KCNIP4: variants seen among roughly 807,000 people sequenced by gnomAD.
KCNIP4 encodes the protein Kv channel-interacting protein 4.
KCNIP4 carries 12 observed loss-of-function variants against 34.0 expected under a neutral mutation model. That is an observed-to-expected ratio of 0.35 (90% CI 0.23 to 0.57). The LOEUF (loss-of-function observed/expected upper bound fraction) is 0.57, where lower values mean the gene tolerates loss of function less well. KCNIP4 is among the 20% of genes least tolerant of loss of function. The pLI is 0.83. For synonymous variants in KCNIP4, 124 were observed against 102.2 expected, an observed-to-expected ratio of 1.21 and a Z score of -1.29; for missense variants, 238 against 311.7, an observed-to-expected ratio of 0.76 and a Z score of 1.78.
chr4:21,336,923 C>A (rs1322415605), intron 1 of KCNIP4, among the ~76,000 whole-genome samples: 3 of 151,910 alleles, frequency 2.0e-5, no homozygotes, highest in African/African-American at 7.3e-5. Context: ...ACTGGGAGAA[C>A]ACAGCACACA....
intron 1 of KCNIP4, among the ~76,000 whole-genome samples, chr4:21,171,059 C>T (rs957883426): frequency 6.6e-6 from 1 of 152,156 alleles, no homozygotes. Flanking sequence ...CAGTTGCTCT[C>T]AACAACTGAG....
At chr4:20,934,988 C>T (rs1730906162) in intron 1 of KCNIP4, among the ~76,000 whole-genome samples, 1 of 152,190 alleles carries the variant, frequency 6.6e-6, no homozygotes. Flanking sequence ...AGCAACATCA[C>T]TCCAGTCTCT....
intron 1 of KCNIP4, among the ~76,000 whole-genome samples, chr4:21,247,969 A>T (rs1760411195): frequency 8.8e-6 from 1 of 113,388 alleles, no homozygotes; most frequent in African/African-American, 4.8e-5. Flanking sequence ...ATATATACAC[A>T]CACATATATA....
intron 1 of KCNIP4, among the ~76,000 whole-genome samples, chr4:21,325,844 C>T (rs1478114762): frequency 6.6e-6 from 1 of 151,792 alleles, no homozygotes; most frequent in Non-Finnish European, 1.5e-5. Flanking sequence ...TTCTTAATTT[C>T]TTTATTGACA....
At chr4:21,207,980 C>G (rs951346127) in intron 1 of KCNIP4, among the ~76,000 whole-genome samples, 1 of 151,498 alleles carries the variant, frequency 6.6e-6, no homozygotes, top group Admixed American at 6.6e-5. Context: ...ATAGCTGGGA[C>G]TATAGGTGTA....
intron 1 of KCNIP4, among the ~76,000 whole-genome samples, chr4:21,715,817 C>T (rs1386735678): frequency 1.3e-5 from 2 of 152,162 alleles, no homozygotes; most frequent in Non-Finnish European, 2.9e-5. Flanking sequence ...TCCTGAAAAT[C>T]TCTACTGTTT....
rs764390209 is a variant in KCNIP4 at position 20,882,659 on chromosome 4, T to C, written c.112A>G (p.Met38Val). 2 of 1,613,624 alleles carry C rather than the reference T, an allele frequency of 1.2e-6. No individual in the cohort carries two copies. Among genetic ancestry groups the C allele is most frequent in the Admixed American group, 1.7e-5 (1 of 59,962 alleles). Residue 38 changes from methionine (M) to valine (V), a missense_variant, in exon 2 of 9, where the codon ATG becomes GTG. Transcript: ENST00000382152. ...GCAGCTGAGCAGGGCAAGAGCTTCA[T>C]GAGCCGCTCTTTAATGCTGCGCTTG... ...STKRSIKERL[M>V]KLLPCSAAKT...
At chr4:21,771,934 C>T (rs111571521) in intron 1 of KCNIP4, among the ~76,000 whole-genome samples, 35 of 152,200 alleles carry the variant, frequency 2.3e-4, no homozygotes, top group African/African-American at 8.4e-4. Flanking sequence ...TGCCTAATTG[C>T]CATGGCCAGA....
chr4:21,737,888 T>C (rs905698654), intron 1 of KCNIP4, among the ~76,000 whole-genome samples: 5 of 151,572 alleles, frequency 3.3e-5, no homozygotes, highest in African/African-American at 1.2e-4. Context: ...ATCGAGACCA[T>C]CCTGGCTAAT....
chr4:21,716,762 G>T (rs894555647), intron 1 of KCNIP4, among the ~76,000 whole-genome samples: 4 of 152,112 alleles, frequency 2.6e-5, no homozygotes, highest in Non-Finnish European at 4.4e-5. Flanking sequence ...CTCATCCCAT[G>T]CTAAAACGGC....
At chr4:21,322,632 C>A (rs1319837224) in intron 1 of KCNIP4, among the ~76,000 whole-genome samples, 1 of 152,002 alleles carries the variant, frequency 6.6e-6, no homozygotes, top group Non-Finnish European at 1.5e-5. Context: ...CTTCGTTCTT[C>A]TACTGTATAA....
intron 1 of KCNIP4, among the ~76,000 whole-genome samples, chr4:21,795,471 C>A (rs1232410708): frequency 6.6e-6 from 1 of 152,064 alleles, no homozygotes; most frequent in African/African-American, 2.4e-5. Flanking sequence ...GTCTATGAGG[C>A]AAAGTGATAC....
At chr4:21,336,726 T>C (rs1171405662) in intron 1 of KCNIP4, among the ~76,000 whole-genome samples, 1 of 152,104 alleles carries the variant, frequency 6.6e-6, no homozygotes, top group Non-Finnish European at 1.5e-5. Flanking sequence ...AGCAAGTTGT[T>C]TAACCTCTTC....
intron 1 of KCNIP4, among the ~76,000 whole-genome samples, chr4:21,476,356 A>T (rs1289617548): frequency 6.6e-6 from 1 of 152,156 alleles, no homozygotes; most frequent in Non-Finnish European, 1.5e-5. Flanking sequence ...CTCCAATGTG[A>T]CTAAATGTGG....
chr4:20,922,435 G>A (rs894965372), intron 1 of KCNIP4, among the ~76,000 whole-genome samples: 5 of 152,098 alleles, frequency 3.3e-5, no homozygotes, highest in Non-Finnish European at 7.4e-5. Context: ...TTCAGACTAG[G>A]AGTGATTACA....
At chr4:20,990,426 C>A (rs1227958350) in intron 1 of KCNIP4, among the ~76,000 whole-genome samples, 3 of 152,114 alleles carry the variant, frequency 2.0e-5, no homozygotes, top group Non-Finnish European at 4.4e-5. Flanking sequence ...TATTAAGTAC[C>A]ACAGCCTTCT....
At chr4:21,712,442 G>A (rs1054470555) in intron 1 of KCNIP4, among the ~76,000 whole-genome samples, 2 of 152,316 alleles carry the variant, frequency 1.3e-5, no homozygotes, top group South Asian at 2.1e-4. Flanking sequence ...AGCCTGAGAA[G>A]TATCTTTTCA....
intron 1 of KCNIP4, among the ~76,000 whole-genome samples, chr4:20,983,661 A>G (rs1005426466): frequency 3.7e-4 from 56 of 152,306 alleles, no homozygotes; most frequent in Non-Finnish European, 7.1e-4. Context: ...AGATAAACCA[A>G]AATGAACTGT....
chr4:21,338,797 C>T (rs1324079507), intron 1 of KCNIP4, among the ~76,000 whole-genome samples: 3 of 152,004 alleles, frequency 2.0e-5, no homozygotes, highest in Non-Finnish European at 1.5e-5. Context: ...ACCACATCTA[C>T]TAACACCCTT....
Sources: allele counts gnomAD v4.1 joint callset (sites outside exome capture counted in the v4.1 genomes callset), GRCh38; gene constraint gnomAD v4.1.1; transcripts MANE v1.5; gene names NCBI Gene and HGNC (gene_info 2026-07-23, HGNC 2026-07-21).